Variants in SLC4A8 observed in about 807,000 individuals in gnomAD.
The protein encoded by SLC4A8 is solute carrier family 4 member 8.
A neutral mutation model predicts 125.0 loss-of-function variants in SLC4A8; 40 were observed. The observed-to-expected ratio is 0.32, with a 90% CI of 0.25 to 0.42. SLC4A8 has a LOEUF of 0.42. Ranked by LOEUF, SLC4A8 falls within the 10% of genes least tolerant of loss-of-function variation. The pLI, the probability that SLC4A8 is intolerant of heterozygous loss-of-function variation, is 1.00. For missense variants in SLC4A8, 863 were observed against 1,355.1 expected (o/e 0.64, Z 5.70); for synonymous variants, 456 against 476.0 (o/e 0.96, Z 0.55).
At chr12:51,494,809 C>T (rs1951419931) in intron 20 of SLC4A8, 136 bp from the exon 21 acceptor site, 1 of 631,756 alleles carries the variant, frequency 1.6e-6, no homozygotes, top group East Asian at 2.9e-5. Flanking sequence ...TTTAAAGTCT[C>T]AGTTTCCATT....
At chr12:51,488,571 CTTTTT>C in intron 17 of SLC4A8, 123 bp from the exon 18 acceptor site, 4 of 507,842 alleles carry the variant, frequency 7.9e-6, no homozygotes, top group Non-Finnish European at 1.3e-5. Context: ...TATTTCATGC[CTTTTT>C]TTTTTTTTTT....
rs779774704 is a variant in SLC4A8, at chr12:51,459,946, T to G, written c.856-5T>G. ...AGTTGTCAGATGTTTCTTTTGGACTTTCAGGTAGACCTTCATTTCATGAAA... is the reference window on the plus strand; with the variant it reads ...AGTTGTCAGATGTTTCTTTTGGACTGTCAGGTAGACCTTCATTTCATGAAA... On this transcript the variant is annotated splice_region_variant and splice_polypyrimidine_tract_variant and intron_variant, in intron 7 of 24. Transcript: ENST00000453097. 8.1e-6 allele frequency: 13 copies of G among 1,608,908 alleles called. No homozygotes were observed. The highest frequency in any genetic ancestry group is 1.1e-5 in the Non-Finnish European group (13 of 1,178,318).
intron 19 of SLC4A8, among the ~76,000 whole-genome samples, chr12:51,492,203 G>A (rs911475286): frequency 6.6e-6 from 1 of 152,126 alleles, no homozygotes; most frequent in Non-Finnish European, 1.5e-5. Flanking sequence ...AAACTTTACG[G>A]CTGTATTCCC....
intron 8 of SLC4A8, among the ~76,000 whole-genome samples, chr12:51,460,583 C>G (rs1209241054): frequency 6.6e-6 from 1 of 152,184 alleles, no homozygotes; most frequent in Non-Finnish European, 1.5e-5. Context: ...GAAGCCAAGT[C>G]TTATCTTCTC....
intron 1 of SLC4A8, among the ~76,000 whole-genome samples, chr12:51,399,597 C>T (rs1278926769): frequency 1.3e-5 from 2 of 152,222 alleles, no homozygotes; most frequent in South Asian, 2.1e-4. Context: ...GACATATCAG[C>T]AGCATTCAAT....
intron 1 of SLC4A8, chr12:51,403,302 A>G (rs556600685): frequency 2.2e-6 from 1 of 451,834 alleles, no homozygotes; most frequent in South Asian, 1.6e-5. Flanking sequence ...GAGTTTCTTG[A>G]TATGTGCCTG....
intron 2 of SLC4A8, among the ~76,000 whole-genome samples, chr12:51,442,261 TTTTTGTATG>T (rs987983791): frequency 8.5e-5 from 13 of 152,174 alleles, no homozygotes; most frequent in African/African-American, 3.1e-4. Context: ...TCAAATAAAA[TTTTTGTATG>T]TTGCTCTTGC....
intron 1 of SLC4A8, among the ~76,000 whole-genome samples, chr12:51,395,521 C>G (rs80312620): frequency 6.6e-6 from 1 of 152,286 alleles, no homozygotes; most frequent in African/African-American, 2.4e-5. Flanking sequence ...GCCGTTGACA[C>G]CAGCCCTGGC....
At chr12:51,496,375 G>A (rs1338087042) in intron 21 of SLC4A8, among the ~76,000 whole-genome samples, 7 of 152,186 alleles carry the variant, frequency 4.6e-5, no homozygotes, top group Non-Finnish European at 8.8e-5. Context: ...CAGCAGTTGA[G>A]ATGCCCTGGA....
At chr12:51,439,830 A>T (rs1401778552) in intron 1 of SLC4A8, among the ~76,000 whole-genome samples, 2 of 152,194 alleles carry the variant, frequency 1.3e-5, no homozygotes, top group Non-Finnish European at 1.5e-5. Context: ...CTAATAAATG[A>T]TGGTGCCATT....
intron 1 of SLC4A8, among the ~76,000 whole-genome samples, chr12:51,416,383 C>CT (rs1183990792): frequency 3.9e-5 from 6 of 152,132 alleles, no homozygotes; most frequent in African/African-American, 1.4e-4. Context: ...CGGCTCTTGC[C>CT]TGTAATCCCA....
chr12:51,447,677 C>G (rs937065415), intron 2 of SLC4A8, among the ~76,000 whole-genome samples: 1 of 151,280 alleles, frequency 6.6e-6, no homozygotes, highest in South Asian at 2.1e-4. Flanking sequence ...ATTTCCCCCC[C>G]AGAATGTTGA....
rs1191201769 is a variant in SLC4A8 at position 51,509,222 on chromosome 12, T to C, written c.*1784T>C. 1.3e-5 allele frequency: 2 copies of C among 152,672 alleles called. No homozygotes were observed. The highest frequency in any genetic ancestry group is 6.5e-5 in the Admixed American group (1 of 15,288). 9.5% of individuals were successfully genotyped at this position (152,672 alleles called of 1,614,324 possible). On this transcript the variant is annotated 3_prime_UTR_variant, in exon 25 of 25. Transcript: ENST00000453097. ...GGTATTGTTCCTGGTTTGTCTCATT[T>C]CTATCACAAGGCTGTTTTGGGCACA...
intron 3 of SLC4A8, 147 bp downstream of exon 3, chr12:51,451,169 T>A: frequency 2.5e-6 from 2 of 784,386 alleles, no homozygotes; most frequent in Non-Finnish European, 3.7e-6. Context: ...GAAATGCCTC[T>A]AAGAGTCAAA....
chr12:51,493,646 T>G (rs1951381101), intron 19 of SLC4A8, 58 bp from the exon 20 acceptor site: 3 of 1,068,624 alleles, frequency 2.8e-6, no homozygotes, highest in Admixed American at 1.7e-5. Context: ...GTATATAGTT[T>G]TGAGTGTGCT....
chr12:51,434,481 AT>A (rs1449178079), intron 1 of SLC4A8, among the ~76,000 whole-genome samples: 2 of 152,216 alleles, frequency 1.3e-5, no homozygotes, highest in African/African-American at 4.8e-5. Flanking sequence ...GCTTTTGCTA[AT>A]GGTTATTGAC....
intron 1 of SLC4A8, among the ~76,000 whole-genome samples, chr12:51,432,507 G>A (rs561674827): frequency 2.6e-4 from 39 of 150,758 alleles, no homozygotes; most frequent in African/African-American, 9.3e-4. Context: ...GGTGGATCAC[G>A]AGGTCAGGAG....
At chr12:51,504,626 C>T (rs1470656029) in intron 23 of SLC4A8, among the ~76,000 whole-genome samples, 1 of 152,170 alleles carries the variant, frequency 6.6e-6, no homozygotes, top group Non-Finnish European at 1.5e-5. Context: ...TCTTTATTTC[C>T]AGAGAGTTCT....
At chr12:51,477,983 T>G (rs558878845) in intron 16 of SLC4A8, among the ~76,000 whole-genome samples, 1 of 152,064 alleles carries the variant, frequency 6.6e-6, no homozygotes, top group East Asian at 1.9e-4. Flanking sequence ...ATACAAAAAT[T>G]AGCTGGGCAT....
Sources: allele counts gnomAD v4.1 joint callset (sites outside exome capture counted in the v4.1 genomes callset), GRCh38; gene constraint gnomAD v4.1.1; transcripts MANE v1.5; gene names NCBI Gene and HGNC (gene_info 2026-07-23, HGNC 2026-07-21).